The following ZMYND11 variants were observed in gnomAD, a reference collection of about 807,000 sequenced individuals.
The protein encoded by ZMYND11 is zinc finger MYND domain-containing protein 11.
A neutral mutation model predicts 84.9 loss-of-function variants in ZMYND11; 9 were observed. That is an observed-to-expected ratio of 0.11 (90% CI 0.06 to 0.18). ZMYND11 has a LOEUF of 0.18. Among genes scored for constraint, ZMYND11 ranks in the 10% least tolerant of loss-of-function variants. The pLI is 1.00. For missense variants in ZMYND11, 409 were observed against 761.0 expected, an observed-to-expected ratio of 0.54 and a Z score of 5.44; for synonymous variants, 250 against 244.1, an observed-to-expected ratio of 1.02 and a Z score of -0.23.
intron 14 of ZMYND11, among the ~76,000 whole-genome samples, chr10:251,616 C>T (rs1367563772): frequency 6.6e-6 from 1 of 152,196 alleles, no homozygotes; most frequent in Non-Finnish European, 1.5e-5. Context: ...CTGTGGGTGT[C>T]TGTTCATGGT....
At position 228,968 on chromosome 10, in the gene ZMYND11, G is replaced by C. The variant is rs1948563062; in HGVS notation, c.438+7612G>C. ...TGTGTGTGTATGTGTGTACCTGTGG[G>C]CATAGTGGATTTAGAAATACTACAT... On this transcript the variant is annotated intron_variant, in intron 4 of 14. Transcript: ENST00000381604. 2.0e-5 allele frequency among the ~76,000 whole-genome samples: 3 copies of C among 152,268 alleles called. No individual in the cohort carries two copies. In the South Asian group the frequency reaches 6.2e-4, roughly 32 times the overall value.
At chr10:137,456 C>T (rs1335001908) in intron 1 of ZMYND11, among the ~76,000 whole-genome samples, 1 of 152,030 alleles carries the variant, frequency 6.6e-6, no homozygotes, top group African/African-American at 2.4e-5. Context: ...TCTGTTTGTC[C>T]AAAAGCAGAA....
At position 191,883 on chromosome 10, in the gene ZMYND11, A is replaced by G. The variant is rs573538212; in HGVS notation, c.116+11755A>G. 2.6e-5 allele frequency among the ~76,000 whole-genome samples: 4 copies of G among 152,298 alleles called. No individual in the cohort carries two copies. The East Asian group carries it at 5.8e-4, about 22-fold the overall frequency. Reference sequence around the variant, plus strand: ...AGTTATTATCTGTAGTGGTTGCACAATGCACAGTGTTTCATCTGGCGAGAC... The same window carrying G: ...AGTTATTATCTGTAGTGGTTGCACAGTGCACAGTGTTTCATCTGGCGAGAC... On this transcript the variant is annotated intron_variant, in intron 2 of 14. Coordinates refer to ENST00000381604, the MANE Select transcript of ZMYND11 (RefSeq NM_001370100.5).
At position 253,309 on chromosome 10, in the gene ZMYND11, T is replaced by A. The variant is rs1953844639; in HGVS notation, c.*839T>A. 1 of 152,684 alleles carries A rather than the reference T, an allele frequency of 6.5e-6. No individual in the cohort carries two copies. The highest frequency in any genetic ancestry group is 1.5e-5 in the Non-Finnish European group (1 of 68,048). 9.5% of individuals were successfully genotyped at this position (152,684 alleles called of 1,614,324 possible). ...TTATAGATGAGGCATACGAATTTGT[T>A]TAATGCTTCCCTTCCCTTCCCACAT... On this transcript the variant is annotated 3_prime_UTR_variant, in exon 15 of 15. Coordinates refer to ENST00000381604, the MANE Select transcript of ZMYND11 (RefSeq NM_001370100.5).
intron 2 of ZMYND11, among the ~76,000 whole-genome samples, chr10:195,573 A>C (rs1008587891): frequency 6.6e-6 from 1 of 152,220 alleles, no homozygotes; most frequent in South Asian, 2.1e-4. Context: ...ATTACAAAAG[A>C]ATACATGCAG....
chr10:205,970 G>GT (rs1301174628), intron 2 of ZMYND11, among the ~76,000 whole-genome samples: 2 of 146,256 alleles, frequency 1.4e-5, no homozygotes, highest in Non-Finnish European at 3.0e-5. Flanking sequence ...TATTAAAGGT[G>GT]TTTTTTTGGT....
chr10:154,279 C>T (rs2131368808), intron 1 of ZMYND11, among the ~76,000 whole-genome samples: 1 of 152,280 alleles, frequency 6.6e-6, no homozygotes. Context: ...AAAAGCTCGT[C>T]TAATACATAC....
chr10:241,068 AATATC>A, intron 9 of ZMYND11, 98 bp downstream of exon 9: 1 of 924,472 alleles, frequency 1.1e-6, no homozygotes, highest in Non-Finnish European at 1.6e-6. Context: ...AAATTTTTAA[AATATC>A]ATAGTATATA....
At chr10:175,387 G>A (rs1184191515) in intron 1 of ZMYND11, among the ~76,000 whole-genome samples, 1 of 152,122 alleles carries the variant, frequency 6.6e-6, no homozygotes, top group Non-Finnish European at 1.5e-5. Flanking sequence ...GGCCAACATG[G>A]CGAAACCCCA....
chr10:233,193 G>C (rs1949306306), intron 4 of ZMYND11, among the ~76,000 whole-genome samples: 1 of 150,652 alleles, frequency 6.6e-6, no homozygotes, highest in Non-Finnish European at 1.5e-5. Flanking sequence ...GGCGGCACCT[G>C]AGACATCGGT....
At chr10:242,264 C>A in intron 10 of ZMYND11, 125 bp downstream of exon 10, 2 of 1,367,468 alleles carry the variant, frequency 1.5e-6, no homozygotes, top group Non-Finnish European at 2.0e-6. Context: ...ACACATTATG[C>A]ATCCAAGAAT....
chr10:145,244 A>G (rs1838526355), intron 1 of ZMYND11, among the ~76,000 whole-genome samples: 1 of 150,510 alleles, frequency 6.6e-6, no homozygotes, highest in Non-Finnish European at 1.5e-5. Context: ...ATGTGTGTGT[A>G]TGTATATATA....
At position 224,223 on chromosome 10, in the gene ZMYND11, T is replaced by C. The variant is rs562875591; in HGVS notation, c.438+2867T>C. 7.2e-5 allele frequency among the ~76,000 whole-genome samples: 11 copies of C among 152,322 alleles called. No homozygotes were observed. In the East Asian group the frequency reaches 1.7e-3, roughly 24 times the overall value. On this transcript the variant is annotated intron_variant, in intron 4 of 14. Coordinates refer to ENST00000381604, the MANE Select transcript of ZMYND11 (RefSeq NM_001370100.5). ...CCTAGCTGTCACCTGTGTTACCAGA[T>C]TTAATTCAGCTCAAGCAGCTTTATC...
At chr10:145,292 A>G (rs1275702110) in intron 1 of ZMYND11, among the ~76,000 whole-genome samples, 2 of 150,360 alleles carry the variant, frequency 1.3e-5, no homozygotes, top group African/African-American at 4.9e-5. Flanking sequence ...TTTTCCATTT[A>G]TTGGTTGATG....
chr10:238,218 G>A (rs185102639), intron 6 of ZMYND11, among the ~76,000 whole-genome samples: 1 of 152,184 alleles, frequency 6.6e-6, no homozygotes, highest in East Asian at 1.9e-4. Context: ...AGTAGAACAC[G>A]TAGACATATT....
In ZMYND11 at chr10:253,218, A is replaced by G. The variant is rs1429117689; in HGVS notation, c.*748A>G. 1.3e-5 allele frequency: 2 copies of G among 152,650 alleles called. No individual in the cohort carries two copies. Among genetic ancestry groups the G allele is most frequent in the Non-Finnish European group, 2.9e-5 (2 of 68,024 alleles). 9.5% of individuals were successfully genotyped at this position (152,650 alleles called of 1,614,324 possible). A position where few individuals can be genotyped will look rare whatever the true frequency, so the allele number is the denominator to read the frequency against. On this transcript the variant is annotated 3_prime_UTR_variant, in exon 15 of 15. Transcript: ENST00000381604. ...TTGCACATTTCATCTTTGTCCTAAC[A>G]TGAGTGCTTGTAACAAAATAAACAA...
rs202215245 is a variant in ZMYND11, at chr10:160,863, GC to G, written c.-19-19128del. On this transcript the variant is annotated intron_variant, in intron 1 of 14. Coordinates refer to ENST00000381604, the MANE Select transcript of ZMYND11 (RefSeq NM_001370100.5). ...TTTCCACCACATCTGGAGTTAATTT[GC>G]CCGGATCCATCAGAGGAATCACTAT... 6.7e-3 allele frequency among the ~76,000 whole-genome samples: 1,023 copies of G among 151,666 alleles called. 13 individuals carry two copies. Among genetic ancestry groups the G allele is most frequent in the African/African-American group, 0.022 (909 of 41,304 alleles).
intron 4 of ZMYND11, among the ~76,000 whole-genome samples, chr10:222,901 T>G (rs1220481894): frequency 1.3e-5 from 2 of 152,216 alleles, no homozygotes; most frequent in African/African-American, 4.8e-5. Flanking sequence ...AGCTTCTTTG[T>G]AGATATTTTG....
chr10:155,766 ACT>A (rs1433847406), intron 1 of ZMYND11, among the ~76,000 whole-genome samples: 7 of 152,038 alleles, frequency 4.6e-5, no homozygotes, highest in African/African-American at 1.7e-4. Flanking sequence ...TAATTTAAAA[ACT>A]CTTGCCTTTA....
Sources: gnomAD v4.1 joint callset for allele counts (sites outside exome capture counted in the v4.1 genomes callset) on GRCh38, gnomAD v4.1.1 for gene constraint, MANE v1.5 for transcripts, NCBI Gene and HGNC (gene_info 2026-07-23, HGNC 2026-07-21) for gene names.